KIF26B: variants seen among roughly 807,000 people sequenced by gnomAD.
KIF26B encodes the protein kinesin family member 26B.
In KIF26B, 63 loss-of-function variants were observed where a neutral mutation model predicts 151.2. The observed-to-expected ratio is 0.42, with a 90% confidence interval of 0.34 to 0.51. The LOEUF is 0.51. Among genes scored for constraint, KIF26B ranks in the 20% least tolerant of loss-of-function variants. The pLI is 0.07. For missense variants in KIF26B, 2,813 were observed against 2,913.6 expected (o/e 0.97, Z 0.79); for synonymous variants, 1,357 against 1,262.1 (o/e 1.08, Z -1.59).
chr1:245,405,324 A>G (rs1674108849), intron 3 of KIF26B, among the ~76,000 whole-genome samples: 4 of 152,220 alleles, frequency 2.6e-5, no homozygotes, highest in Admixed American at 2.6e-4. Flanking sequence ...TCAGCCCACA[A>G]ATGTTTGCCT....
At position 245,218,640 on chromosome 1, in the gene KIF26B, G is replaced by A. The variant is rs1474165729; in HGVS notation, c.465+61957G>A. Among the ~76,000 whole-genome samples the A allele has an allele frequency of 6.6e-6, 1 of 152,272 alleles. No homozygotes were observed. Among genetic ancestry groups the A allele is most frequent in the South Asian group, 2.1e-4 (1 of 4,830 alleles). On this transcript the variant is annotated intron_variant, in intron 2 of 14. Coordinates refer to ENST00000407071, the MANE Select transcript of KIF26B (RefSeq NM_018012.4). The surrounding 1 kb of genome is among the most constrained non-coding windows in gnomAD (Gnocchi z 4.1). ...GCTCTGCAGTGTGCCGCATGGAATC[G>A]CCTAAGATGGGACTGCCTTGGAACA...
At chr1:245,380,534 A>G (rs1673382307) in intron 3 of KIF26B, among the ~76,000 whole-genome samples, 1 of 152,160 alleles carries the variant, frequency 6.6e-6, no homozygotes, top group African/African-American at 2.4e-5. Context: ...AGCAACAGAC[A>G]TGGTTGGAAG....
intron 10 of KIF26B, among the ~76,000 whole-genome samples, chr1:245,680,667 T>C (rs1013277797): frequency 2.0e-5 from 3 of 152,206 alleles, no homozygotes; most frequent in African/African-American, 7.2e-5. Flanking sequence ...GACGGGGAAC[T>C]TCAGAGTGCA....
intron 5 of KIF26B, among the ~76,000 whole-genome samples, chr1:245,558,224 C>T (rs1662082790): frequency 6.6e-6 from 1 of 152,180 alleles, no homozygotes; most frequent in Non-Finnish European, 1.5e-5. Flanking sequence ...TCACATGGCT[C>T]CCCCATTCCT....
intron 2 of KIF26B, among the ~76,000 whole-genome samples, chr1:245,202,099 A>G (rs1669309995): frequency 6.6e-6 from 1 of 152,148 alleles, no homozygotes; most frequent in South Asian, 2.1e-4. Flanking sequence ...CCCATTTTCG[A>G]GGACTTGGCC....
intron 2 of KIF26B, among the ~76,000 whole-genome samples, chr1:245,257,088 C>T (rs1670549983): frequency 6.6e-6 from 1 of 152,154 alleles, no homozygotes; most frequent in Non-Finnish European, 1.5e-5. Context: ...TCCATAACCC[C>T]TTATCTTAAC....
At chr1:245,335,247 C>A (rs1294319695) in intron 2 of KIF26B, among the ~76,000 whole-genome samples, 1 of 152,196 alleles carries the variant, frequency 6.6e-6, no homozygotes, top group African/African-American at 2.4e-5. Context: ...CAAGGCTCAG[C>A]TGACCTCATG....
chr1:245,265,201 C>CAA lies in KIF26B; in HGVS notation c.466-101612_466-101611dup, dbSNP rs59716075. Among the ~76,000 whole-genome samples, 235 of 46,956 alleles carry CAA rather than the reference C, an allele frequency of 5.0e-3. 2 individuals are homozygous for CAA. Among genetic ancestry groups the CAA allele is most frequent in the African/African-American group, 0.014 (193 of 13,572 alleles). 30.8% of individuals were successfully genotyped at this position (46,956 alleles called of 152,430 possible). ...TGGGTGACACAGTGAGACTCCATCT[C>CAA]AAAAAAAAAAAAAAAAAAAAAAGTT... On this transcript the variant is annotated intron_variant, in intron 2 of 14. Transcript: ENST00000407071.
rs149799726 is a variant in KIF26B at position 245,430,735 on chromosome 1, G to A, written c.1166+10990G>A. 8.3e-3 allele frequency among the ~76,000 whole-genome samples: 1,265 copies of A among 152,212 alleles called. 16 individuals are homozygous for A. Among genetic ancestry groups the A allele is most frequent in the African/African-American group, 0.028 (1,148 of 41,544 alleles). ...TCTTATATGCCACACACTATTCTGAGTTCTTGACACACATTTAATCTTCAG... is the reference window on the plus strand; with the variant it reads ...TCTTATATGCCACACACTATTCTGAATTCTTGACACACATTTAATCTTCAG... On this transcript the variant is annotated intron_variant, in intron 4 of 14. Transcript: ENST00000407071.
intron 2 of KIF26B, among the ~76,000 whole-genome samples, chr1:245,185,264 G>C (rs961277903): frequency 2.0e-5 from 3 of 151,692 alleles, no homozygotes; most frequent in Non-Finnish European, 4.4e-5. Context: ...TCAGCCTCCC[G>C]GGTAGCTGGG....
intron 5 of KIF26B, among the ~76,000 whole-genome samples, chr1:245,583,792 C>A (rs779729984): frequency 1.3e-5 from 2 of 152,294 alleles, no homozygotes; most frequent in Admixed American, 6.5e-5. Flanking sequence ...GCTTACCCAA[C>A]GAAGCATGAC....
intron 4 of KIF26B, chr1:245,511,068 A>G: frequency 2.8e-6 from 2 of 716,342 alleles, no homozygotes; most frequent in Non-Finnish European, 5.2e-6. Flanking sequence ...ACGTGAAGAA[A>G]TGGATTCTGC....
intron 10 of KIF26B, among the ~76,000 whole-genome samples, chr1:245,649,038 C>T (rs1294679126): frequency 1.3e-5 from 2 of 152,200 alleles, no homozygotes; most frequent in African/African-American, 4.8e-5. Context: ...CCCTGGCCAT[C>T]CAGCCAGCGC....
At chr1:245,457,010 T>C (rs1659547797) in intron 4 of KIF26B, among the ~76,000 whole-genome samples, 3 of 152,184 alleles carry the variant, frequency 2.0e-5, no homozygotes, top group Admixed American at 6.5e-5. Context: ...GGACCACAGC[T>C]GCATGCTACC....
chr1:245,469,231 G>T (rs535933347), intron 4 of KIF26B, among the ~76,000 whole-genome samples: 1 of 152,224 alleles, frequency 6.6e-6, no homozygotes, highest in East Asian at 1.9e-4. Flanking sequence ...GAGAAACAGC[G>T]TCACTTGGGG....
chr1:245,586,042 T>C (rs1312372843), intron 5 of KIF26B, among the ~76,000 whole-genome samples: 1 of 152,300 alleles, frequency 6.6e-6, no homozygotes, highest in East Asian at 1.9e-4. Context: ...TGACCCAGGC[T>C]GGAATGCAGT....
intron 10 of KIF26B, 93 bp downstream of exon 10, chr1:245,646,373 G>A (rs2043947479): frequency 7.5e-7 from 1 of 1,332,354 alleles, no homozygotes; most frequent in African/African-American, 1.5e-5. Flanking sequence ...TGCCACAGAG[G>A]GACAGCCTGG....
intron 2 of KIF26B, among the ~76,000 whole-genome samples, chr1:245,339,283 G>A (rs1672292009): frequency 1.3e-5 from 2 of 152,170 alleles, no homozygotes; most frequent in Non-Finnish European, 2.9e-5. Context: ...CGGCCTTTTA[G>A]GCTATTCTTG....
At chr1:245,652,620 C>T (rs959568320) in intron 10 of KIF26B, among the ~76,000 whole-genome samples, 8 of 152,158 alleles carry the variant, frequency 5.3e-5, no homozygotes, top group African/African-American at 1.7e-4. Context: ...TATAGAACCA[C>T]GCCAGTCACT....
Sources: allele counts gnomAD v4.1 joint callset (sites outside exome capture counted in the v4.1 genomes callset), GRCh38; gene constraint gnomAD v4.1.1; non-coding constraint Gnocchi (gnomAD v3.1); transcripts MANE v1.5; gene names NCBI Gene and HGNC (gene_info 2026-07-23, HGNC 2026-07-21).